Variants in STK17B observed in about 807,000 individuals in gnomAD.
STK17B encodes serine/threonine-protein kinase 17B.
In STK17B, 21 loss-of-function variants were observed where a neutral mutation model predicts 42.0. The observed-to-expected ratio is 0.50, with a 90% CI of 0.35 to 0.72. STK17B has a LOEUF of 0.72. STK17B is among the 30% of genes least tolerant of loss of function. STK17B has a pLI of 0.00. For missense variants in STK17B, 349 were observed against 446.0 expected, an observed-to-expected ratio of 0.78 and a Z score of 1.96; for synonymous variants, 143 against 148.4, an observed-to-expected ratio of 0.96 and a Z score of 0.26.
chr2:196,133,882 T>C lies in STK17B; in HGVS notation c.*3565A>G, dbSNP rs889129231. Reference sequence around the variant, plus strand: ...GAAAATTTACAATTATTCTTTAAAATACTTTTATAAAATTATAAATTGATA... The same window carrying C: ...GAAAATTTACAATTATTCTTTAAAACACTTTTATAAAATTATAAATTGATA... On this transcript the variant is annotated 3_prime_UTR_variant, in exon 8 of 8. Transcript: ENST00000263955. The C allele has an allele frequency of 6.6e-5, 10 of 152,246 alleles. No homozygotes were observed. Among genetic ancestry groups the C allele is most frequent in the African/African-American group, 2.2e-4 (9 of 41,470 alleles). The allele number at this position is 152,246 out of a possible 1,614,324, so 9.4% of individuals were successfully genotyped here.
intron 2 of STK17B, among the ~76,000 whole-genome samples, chr2:196,159,022 A>AC (rs1313435493): frequency 1.3e-4 from 19 of 151,556 alleles, no homozygotes; most frequent in East Asian, 1.9e-4. Flanking sequence ...AAAAAAAAAA[A>AC]AACAAAAAAA....
rs1196934629 is a variant in STK17B, at chr2:196,171,426, G to A, written c.-138C>T. On this transcript the variant is annotated 5_prime_UTR_variant, in exon 1 of 8. Coordinates refer to ENST00000263955, the MANE Select transcript of STK17B (RefSeq NM_004226.4). ...GGGCCGCCACAGGACGAGTTCTCTA[G>A]CTCCAGCCGGGCGAGGCGCCAGGGA... 1.3e-5 allele frequency: 2 copies of A among 152,434 alleles called. No individual in the cohort carries two copies. The highest frequency in any genetic ancestry group is 4.8e-5 in the African/African-American group (2 of 41,592). The allele number at this position is 152,434 out of a possible 1,614,324, so 9.4% of individuals were successfully genotyped here. A position where few individuals can be genotyped will look rare whatever the true frequency, so the allele number is the denominator to read the frequency against.
intron 6 of STK17B, 49 bp from the exon 7 acceptor site, chr2:196,139,848 T>C (rs374561119): frequency 2.3e-6 from 3 of 1,286,758 alleles, no homozygotes; most frequent in African/African-American, 1.5e-5. Flanking sequence ...TTTTTAAACA[T>C]TTATACAAAG....
Position 196,163,457 on chromosome 2 carries a change from G to C in STK17B, c.-44-30C>G, listed in dbSNP as rs1273683822. ...GCAAAAAAAGAGAATACAGAGAAAA[G>C]ATGTTATCTCAGGCAGGATGTGCAT... On this transcript the variant is annotated intron_variant, in intron 1 of 7. Coordinates refer to ENST00000263955, the MANE Select transcript of STK17B (RefSeq NM_004226.4). 5 of 1,483,478 alleles carry C rather than the reference G, an allele frequency of 3.4e-6. No homozygotes were observed. The East Asian group carries it at 1.2e-4, about 35-fold the overall frequency. The allele number at this position is 1,483,478 out of a possible 1,614,324, so 91.9% of individuals were successfully genotyped here.
intron 6 of STK17B, among the ~76,000 whole-genome samples, chr2:196,140,756 G>GGTTCTTAT (rs1207669805): frequency 2.0e-5 from 3 of 151,898 alleles, no homozygotes; most frequent in African/African-American, 4.8e-5. Context: ...GTAGAGATAG[G>GGTTCTTAT]GTTCTGCTAT....
intron 4 of STK17B, among the ~76,000 whole-genome samples, chr2:196,144,486 CAAAAAAAAAAAAAAAAAAAAAAAAAA>C (rs869118381): frequency 7.2e-5 from 4 of 55,934 alleles, no homozygotes; most frequent in Admixed American, 5.1e-4. Flanking sequence ...GACTCTGTCT[CAAAAAAAAAAAAAAAAAAAAAAAAAA>C]AAAAAAAAAA....
At chr2:196,166,199 C>T (rs1209695719) in intron 1 of STK17B, 1 of 152,218 alleles carries the variant, frequency 6.6e-6, no homozygotes, top group Non-Finnish European at 1.5e-5. Flanking sequence ...TCCATTTCCT[C>T]TCCTTTGGCC....
chr2:196,162,947 T>C lies in STK17B; in HGVS notation c.122+315A>G, dbSNP rs767074901. Among the ~76,000 whole-genome samples the C allele has an allele frequency of 2.6e-5, 4 of 152,320 alleles. No homozygotes were observed. In the South Asian group the frequency reaches 6.2e-4, roughly 24 times the overall value. On this transcript the variant is annotated intron_variant, in intron 2 of 7. Coordinates refer to ENST00000263955, the MANE Select transcript of STK17B (RefSeq NM_004226.4). ...TAGTTGAAGTCACACACCTAGTAAC[T>C]GGTGGAGTCCAAACTTGAACTCGGC...
chr2:196,138,638 C>T (rs1699445422), intron 7 of STK17B, among the ~76,000 whole-genome samples: 3 of 151,366 alleles, frequency 2.0e-5, no homozygotes, highest in Non-Finnish European at 4.4e-5. Context: ...TGCAGTGGTG[C>T]GATCTCAGCT....
chr2:196,152,644 A>G (rs1699681622), intron 3 of STK17B, among the ~76,000 whole-genome samples: 1 of 152,258 alleles, frequency 6.6e-6, no homozygotes, highest in African/African-American at 2.4e-5. Context: ...ATAGTCAAAA[A>G]GATGCCTATG....
At chr2:196,152,208 G>A (rs1444534921) in intron 3 of STK17B, among the ~76,000 whole-genome samples, 1 of 151,318 alleles carries the variant, frequency 6.6e-6, no homozygotes, top group African/African-American at 2.4e-5. Flanking sequence ...CCAGGTTCAA[G>A]CAATTCTCCT....
At chr2:196,160,839 T>G (rs1475978651) in intron 2 of STK17B, among the ~76,000 whole-genome samples, 1 of 152,200 alleles carries the variant, frequency 6.6e-6, no homozygotes, top group African/African-American at 2.4e-5. Flanking sequence ...TGATCTAAAA[T>G]TCTAAAAAGT....
rs890698882 is a variant in STK17B, at chr2:196,133,923, T to C, written c.*3524A>G. On this transcript the variant is annotated 3_prime_UTR_variant, in exon 8 of 8. Transcript: ENST00000263955. ...TAAATTGATAATAATCCCCCCAAAC[T>C]GAAGTGAAATACTTTTAATACTACT... The C allele has an allele frequency of 1.3e-5, 2 of 152,178 alleles. No homozygotes were observed. The highest frequency in any genetic ancestry group is 2.9e-5 in the Non-Finnish European group (2 of 68,028). 9.4% of individuals were successfully genotyped at this position (152,178 alleles called of 1,614,324 possible).
At chr2:196,174,693 G>A (rs1212780776), upstream of STK17B, among the ~76,000 whole-genome samples, 1 of 152,234 alleles carries the variant, frequency 6.6e-6, no homozygotes, top group Admixed American at 6.5e-5. Flanking sequence ...CTGGAGGTAG[G>A]AATAGTGAGT....
chr2:196,166,743 T>A (rs1699878391), intron 1 of STK17B, among the ~76,000 whole-genome samples: 1 of 152,234 alleles, frequency 6.6e-6, no homozygotes, highest in Non-Finnish European at 1.5e-5. Context: ...GGGCCTTCAC[T>A]TACTTGAATG....
Position 196,163,358 on chromosome 2 carries a change from C to A in STK17B, c.26G>T (p.Arg9Leu). 6.3e-7 allele frequency: 1 copy of A among 1,598,626 alleles called. No homozygotes were observed. The highest frequency in any genetic ancestry group is 1.1e-5 in the South Asian group (1 of 87,646). Residue 9 changes from arginine to leucine, a missense_variant, in exon 2 of 8, where the codon CGA becomes CTA. Physicochemically the swap from Arg to Leu is moderately radical, Grantham distance 102. Around this residue, in one of 3 missense-constraint regions of STK17B, gnomAD observed 256 missense variants for 347.7 expected, o/e 0.74. Coordinates refer to ENST00000263955, the MANE Select transcript of STK17B (RefSeq NM_004226.4). MSRRRFDC[R>L]SISGLLTTTP... ...TGTAGTTAGTAGGCCTGAAATACTTCGGCAATCAAATCTCCTCCTCGACAT... is the reference window on the plus strand; with the variant it reads ...TGTAGTTAGTAGGCCTGAAATACTTAGGCAATCAAATCTCCTCCTCGACAT...
chr2:196,142,084 C>T (rs1041569275), intron 5 of STK17B, among the ~76,000 whole-genome samples: 13 of 152,136 alleles, frequency 8.5e-5, no homozygotes, highest in Middle Eastern at 3.4e-3. Flanking sequence ...GACGGAGTTT[C>T]GCTCTTGTTG....
At chr2:196,170,531 G>C (rs982585286) in intron 1 of STK17B, among the ~76,000 whole-genome samples, 2 of 152,190 alleles carry the variant, frequency 1.3e-5, no homozygotes, top group African/African-American at 4.8e-5. Flanking sequence ...ACTAATGCCA[G>C]CTACCAGCTG....
intron 1 of STK17B, among the ~76,000 whole-genome samples, chr2:196,164,713 C>T (rs1204504217): frequency 2.0e-5 from 3 of 152,204 alleles, no homozygotes; most frequent in East Asian, 3.9e-4. Context: ...TAGAGTTCAG[C>T]GTTTTCAGTT....
Sources: gnomAD v4.1 joint callset for allele counts (sites outside exome capture counted in the v4.1 genomes callset) on GRCh38, gnomAD v4.1.1 for gene constraint, gnomAD v4.1.1 regional missense constraint, MANE v1.5 for transcripts, NCBI Gene and HGNC (gene_info 2026-07-23, HGNC 2026-07-21) for gene names.